Variants in SULF1 observed in about 807,000 individuals in gnomAD.
SULF1 encodes the protein extracellular sulfatase Sulf-1.
A neutral mutation model predicts 110.5 loss-of-function variants in SULF1; 46 were observed. The observed-to-expected ratio is 0.42, with a 90% CI of 0.33 to 0.53. SULF1 has a LOEUF of 0.53. SULF1 is among the 20% of genes least tolerant of loss of function. SULF1 has a pLI of 0.12. For missense variants in SULF1, 941 were observed against 1,094.2 expected, an observed-to-expected ratio of 0.86 and a Z score of 1.98; for synonymous variants, 371 against 387.1, an observed-to-expected ratio of 0.96 and a Z score of 0.49.
Position 69,534,769 on chromosome 8 carries a change from T to G in SULF1, c.-133-28770T>G, listed in dbSNP as rs145644816. Among the ~76,000 whole-genome samples, 998 of 152,266 alleles carry G rather than the reference T, an allele frequency of 6.6e-3. 7 individuals carry two copies. Among genetic ancestry groups the G allele is most frequent in the African/African-American group, 0.023 (948 of 41,528 alleles). On this transcript the variant is annotated intron_variant, in intron 3 of 22. Transcript: ENST00000402687. ...TTACAAATTTATGAGCTTATGAAAT[T>G]TATGTGTTACATTGATACAACTGAC... is the stretch of plus-strand genomic sequence containing the variant.
At chr8:69,540,054 G>A (rs1813757701) in intron 3 of SULF1, among the ~76,000 whole-genome samples, 1 of 152,200 alleles carries the variant, frequency 6.6e-6, no homozygotes, top group South Asian at 2.1e-4. Flanking sequence ...AACTGTGGTA[G>A]TGATGAAAGC....
chr8:69,523,848 G>A (rs1000098331), intron 3 of SULF1, among the ~76,000 whole-genome samples: 2 of 152,166 alleles, frequency 1.3e-5, no homozygotes, highest in Admixed American at 6.6e-5. Flanking sequence ...GATGGAGCGG[G>A]CAGTTACCAG....
At chr8:69,589,300 C>T (rs1806702230) in intron 8 of SULF1, among the ~76,000 whole-genome samples, 159 bp downstream of exon 8, 1 of 152,148 alleles carries the variant, frequency 6.6e-6, no homozygotes, top group Non-Finnish European at 1.5e-5. Flanking sequence ...CAGGCAGAGC[C>T]GCTGAGCCTG....
intron 3 of SULF1, among the ~76,000 whole-genome samples, chr8:69,541,273 G>A (rs923990063): frequency 2.0e-5 from 3 of 152,180 alleles, no homozygotes; most frequent in South Asian, 2.1e-4. Context: ...TTGTGAGACC[G>A]GAGGACACCC....
rs748233285 is a variant in SULF1 at position 69,638,825 on chromosome 8, C to G, written c.2518C>G (p.Gln840Glu). 1.2e-6 allele frequency: 2 copies of G among 1,613,736 alleles called. No individual in the cohort carries two copies. The highest frequency in any genetic ancestry group is 1.1e-5 in the South Asian group (1 of 90,870). Residue 840 changes from glutamine to glutamate, a missense_variant, in exon 21 of 23, where the codon CAG (glutamine) becomes GAG (glutamate). Transcript: ENST00000402687. Reference protein sequence around the residue: ...MELRSCQGYKQCNPRPKNLDV... With the variant: ...MELRSCQGYKECNPRPKNLDV... The stretch of plus-strand genomic sequence containing the variant: ...GCTCAGAAGCTGTCAAGGATATAAG[C>G]AGTGCAACCCAAGACCTAAGAATCT...
chr8:69,635,690 GCCAAGA>G (rs1033371319), intron 19 of SULF1, among the ~76,000 whole-genome samples: 2 of 152,242 alleles, frequency 1.3e-5, no homozygotes, highest in African/African-American at 4.8e-5. Flanking sequence ...TAGGCAACAT[GCCAAGA>G]CCAATCTCTA....
At chr8:69,500,135 T>C (rs1810692157) in intron 2 of SULF1, among the ~76,000 whole-genome samples, 1 of 152,214 alleles carries the variant, frequency 6.6e-6, no homozygotes, top group South Asian at 2.1e-4. Flanking sequence ...CATGAAAATG[T>C]CTTTTGATTG....
chr8:69,654,323 A>G (rs1477527840), intron 22 of SULF1, among the ~76,000 whole-genome samples: 1 of 152,034 alleles, frequency 6.6e-6, no homozygotes, highest in African/African-American at 2.4e-5. Flanking sequence ...AGGCAGCAAT[A>G]CTAGTCTAGT....
chr8:69,589,558 C>T (rs944719376), intron 8 of SULF1, among the ~76,000 whole-genome samples: 3 of 152,164 alleles, frequency 2.0e-5, no homozygotes, highest in Non-Finnish European at 4.4e-5. Context: ...ATTTTCCAGG[C>T]GAATACCGTA....
chr8:69,502,985 C>T (rs1272068982), intron 3 of SULF1, among the ~76,000 whole-genome samples: 13 of 152,080 alleles, frequency 8.5e-5, no homozygotes, highest in Admixed American at 8.5e-4. Context: ...CCACAACCAG[C>T]CTGCTTGATT....
chr8:69,492,657 T>C (rs1010337894), upstream of SULF1: 2 of 152,368 alleles, frequency 1.3e-5, no homozygotes, highest in South Asian at 2.1e-4. Context: ...CATGCACATA[T>C]TCAGTTGCCC....
At chr8:69,583,247 GA>G (rs1486814144) in intron 6 of SULF1, among the ~76,000 whole-genome samples, 2 of 152,060 alleles carry the variant, frequency 1.3e-5, no homozygotes, top group Non-Finnish European at 2.9e-5. Flanking sequence ...AAAATGTTTT[GA>G]AGGCCAAATC....
Position 69,553,121 on chromosome 8 carries a change from G to C in SULF1, c.-133-10418G>C, listed in dbSNP as rs73683971. 3.4e-3 allele frequency among the ~76,000 whole-genome samples: 514 copies of C among 152,310 alleles called. 3 individuals are homozygous for C. Among genetic ancestry groups the C allele is most frequent in the African/African-American group, 0.012 (480 of 41,562 alleles). On this transcript the variant is annotated intron_variant, in intron 3 of 22. Transcript: ENST00000402687. ...CTTCACATTAGCTCTCCAAAGTCAG[G>C]CTTGCTAACCTCCTTTCTCATATAT... is the stretch of plus-strand genomic sequence containing the variant.
At chr8:69,490,044 T>C (rs1054257214), upstream of SULF1, among the ~76,000 whole-genome samples, 1 of 152,028 alleles carries the variant, frequency 6.6e-6, no homozygotes, top group Non-Finnish European at 1.5e-5. Flanking sequence ...CTGTCATCCT[T>C]AGTTATACCA....
At chr8:69,470,322 A>C (rs1809028489) in intron 1 of SULF1, among the ~76,000 whole-genome samples, 1 of 152,190 alleles carries the variant, frequency 6.6e-6, no homozygotes, top group African/African-American at 2.4e-5. Context: ...ATCATGTGGT[A>C]AATTCAGCTT....
At chr8:69,533,163 A>C (rs1813217243) in intron 3 of SULF1, among the ~76,000 whole-genome samples, 2 of 152,222 alleles carry the variant, frequency 1.3e-5, no homozygotes. Flanking sequence ...TGTGTTGGGC[A>C]GTGGAAAATG....
At chr8:69,591,664 T>C (rs917489649) in intron 8 of SULF1, among the ~76,000 whole-genome samples, 1 of 152,152 alleles carries the variant, frequency 6.6e-6, no homozygotes, top group Non-Finnish European at 1.5e-5. Flanking sequence ...CATGTGACAC[T>C]ATGCAGCCCA....
Position 69,470,944 on chromosome 8 carries a change from A to T in SULF1, c.-391+3994A>T, listed in dbSNP as rs902065540. ...AGTTTTCTATCTTGTCTTTAAAATG[A>T]GTTTGTCATCATGTGCACGGTTCCT... On this transcript the variant is annotated intron_variant, in intron 1 of 22. Transcript: ENST00000260128. Among the ~76,000 whole-genome samples, 25 of 152,064 alleles carry T rather than the reference A, an allele frequency of 1.6e-4. 1 individual carries two copies. Among genetic ancestry groups the T allele is most frequent in the African/African-American group, 5.8e-4 (24 of 41,392 alleles).
At chr8:69,597,233 G>C (rs568502880) in intron 8 of SULF1, 3 of 152,340 alleles carry the variant, frequency 2.0e-5, no homozygotes, top group Admixed American at 1.3e-4. Context: ...ACCTCAGCAG[G>C]GGGCAACCAC....
Sources: allele counts gnomAD v4.1 joint callset (sites outside exome capture counted in the v4.1 genomes callset), GRCh38; gene constraint gnomAD v4.1.1; transcripts MANE v1.5; gene names NCBI Gene and HGNC (gene_info 2026-07-23, HGNC 2026-07-21).